Variants in CLTRN observed in about 807,000 individuals in gnomAD.
The protein encoded by CLTRN is collectrin.
Under a neutral mutation model 14.5 loss-of-function variants are expected in CLTRN, and 12 were observed. The ratio of observed to expected loss-of-function variants is 0.83; its 90% CI spans 0.53 to 1.34. The LOEUF (loss-of-function observed/expected upper bound fraction) is 1.34, where lower values mean the gene tolerates loss of function less well. CLTRN is among the 40% of genes most tolerant of loss of function. The probability of loss-of-function intolerance (pLI) is 0.00; values close to 1 mark genes in which losing one functional copy is unlikely to be tolerated. For missense variants in CLTRN, 154 were observed against 165.1 expected (o/e 0.93, Z 0.37); for synonymous variants, 58 against 56.5 (o/e 1.03, Z -0.12).
At chrX:15,664,152 T>C (rs1251174223) in intron 2 of CLTRN, among the ~76,000 whole-genome samples, 185 bp downstream of exon 2, 15 of 112,453 alleles carry the variant, frequency 1.3e-4, no homozygotes, top group Non-Finnish European at 2.8e-4. Flanking sequence ...TTAAATACTT[T>C]AGGCAAACCT....
intron 5 of CLTRN, among the ~76,000 whole-genome samples, chrX:15,633,668 G>T (rs181853069): frequency 1.6e-3 from 181 of 112,574 alleles, no homozygotes; most frequent in Admixed American, 2.4e-3. Flanking sequence ...AGCCACATCC[G>T]CTTGTGTGAA....
At chrX:15,675,556 G>A (rs1929827030), upstream of CLTRN, 1 of 112,436 alleles carries the variant, frequency 8.9e-6, no homozygotes, top group Non-Finnish European at 1.9e-5. Context: ...GAGATGTGTA[G>A]CCAGAGCGCA....
rs1166281947 is a variant in CLTRN at position 15,639,651 on chromosome X, G to T, written c.423C>A (p.Pro141=). Residue 141 remains proline (P), a synonymous_variant, in exon 5 of 6, where the codon CCC becomes CCA. Transcript: ENST00000380342. ...TCACACCAAATATAATAATCCAGAT[G>T]GGCACAGATGGGTCCATGGGTGGTG... The part of the protein sequence containing the change: ...TLAPPMDPSV[P]IWIIIFGVIF... 8.3e-7 allele frequency: 1 copy of T among 1,206,461 alleles called. No individual in the cohort carries two copies. The highest frequency in any genetic ancestry group is 1.8e-5 in the African/African-American group (1 of 57,052).
At chrX:15,670,647 C>A (rs1199377935) in intron 1 of CLTRN, among the ~76,000 whole-genome samples, 1 of 110,818 alleles carries the variant, frequency 9.0e-6, no homozygotes, top group Non-Finnish European at 1.9e-5. Context: ...CAGTGGTTTT[C>A]AATTGGGGGT....
chrX:15,631,990 T>C (rs1322729945), intron 5 of CLTRN, among the ~76,000 whole-genome samples: 1 of 112,392 alleles, frequency 8.9e-6, no homozygotes, highest in Non-Finnish European at 1.9e-5. Flanking sequence ...TTCTTTTTCC[T>C]GAAAACTAAA....
At chrX:15,634,881 T>C (rs1041575173) in intron 5 of CLTRN, among the ~76,000 whole-genome samples, 76 of 107,397 alleles carry the variant, frequency 7.1e-4, no homozygotes, top group African/African-American at 2.5e-3. Flanking sequence ...CATGTATACA[T>C]ATGTAACTAA....
chrX:15,636,090 A>G (rs1928812596), intron 5 of CLTRN, among the ~76,000 whole-genome samples: 1 of 112,296 alleles, frequency 8.9e-6, no homozygotes, highest in South Asian at 3.7e-4. Flanking sequence ...ACCCTGGTAC[A>G]CTACTGCAGG....
At chrX:15,674,650 C>T (rs1422704278) in intron 1 of CLTRN, among the ~76,000 whole-genome samples, 53 of 112,864 alleles carry the variant, frequency 4.7e-4, no homozygotes, top group Non-Finnish European at 9.4e-5. Context: ...GCTCATTTCA[C>T]TCTATAAATG....
At chrX:15,665,588 G>T (rs1338935541), upstream of CLTRN, among the ~76,000 whole-genome samples, 1 of 112,287 alleles carries the variant, frequency 8.9e-6, no homozygotes, top group Non-Finnish European at 1.9e-5. Flanking sequence ...GGAATGTTCT[G>T]TGTCTGTACT....
chrX:15,673,477 T>G (rs1451795925), intron 1 of CLTRN, among the ~76,000 whole-genome samples: 1 of 112,646 alleles, frequency 8.9e-6, no homozygotes, highest in Admixed American at 9.4e-5. Flanking sequence ...GCTATAAAAA[T>G]CAATGCAGTA....
rs1355608242 is a variant in CLTRN, at chrX:15,639,656, C to G, written c.418G>C (p.Val140Leu). The change falls in exon 5 of 6, where the codon GTG becomes CTG. Residue 140 changes from valine (V) to leucine (L), a missense_variant. Coordinates refer to ENST00000380342, the MANE Select transcript of CLTRN (RefSeq NM_020665.6). Reference sequence around the variant, plus strand: ...CCAAATATAATAATCCAGATGGGCACAGATGGGTCCATGGGTGGTGCAAGT... The same window carrying G: ...CCAAATATAATAATCCAGATGGGCAGAGATGGGTCCATGGGTGGTGCAAGT... ...STLAPPMDPS[V>L]PIWIIIFGVI... 3.3e-6 allele frequency: 4 copies of G among 1,208,360 alleles called. No individual in the cohort carries two copies. Among genetic ancestry groups the G allele is most frequent in the Non-Finnish European group, 3.4e-6 (3 of 893,993 alleles).
chrX:15,659,327 A>T (rs1321489941), intron 2 of CLTRN, among the ~76,000 whole-genome samples: 2 of 111,109 alleles, frequency 1.8e-5, no homozygotes, highest in Non-Finnish European at 3.8e-5. Context: ...CTCCTGTTGC[A>T]CTATCTTCCT....
At position 15,637,980 on chromosome X, in the gene CLTRN, A is replaced by G. The variant is rs994398408; in HGVS notation, c.512+1582T>C. 2.7e-5 allele frequency among the ~76,000 whole-genome samples: 3 copies of G among 112,053 alleles called. No homozygotes were observed. The Admixed American group carries it at 2.8e-4, about 11-fold the overall frequency. The stretch of plus-strand genomic sequence containing the variant: ...TATATACAAGGGCAGAATCTAAGAG[A>G]TAAATATGTTGAGTCTAAGCAATCT... On this transcript the variant is annotated intron_variant, in intron 5 of 5. Transcript: ENST00000380342.
At chrX:15,637,004 T>C (rs1928834053) in intron 5 of CLTRN, among the ~76,000 whole-genome samples, 1 of 111,305 alleles carries the variant, frequency 9.0e-6, no homozygotes, top group Non-Finnish European at 1.9e-5. Flanking sequence ...TATAATGGTG[T>C]TATTGGCAAA....
At chrX:15,642,977 G>T (rs1249230012) in intron 4 of CLTRN, among the ~76,000 whole-genome samples, 1 of 110,250 alleles carries the variant, frequency 9.1e-6, no homozygotes, top group Non-Finnish European at 1.9e-5. Flanking sequence ...CATCCCTGTA[G>T]TCCCAGCTAC....
chrX:15,632,122 T>C (rs1029089485), intron 5 of CLTRN, among the ~76,000 whole-genome samples: 1 of 111,669 alleles, frequency 9.0e-6, no homozygotes, highest in African/African-American at 3.3e-5. Context: ...ATCTCTCATA[T>C]ACCTCATAAA....
intron 5 of CLTRN, among the ~76,000 whole-genome samples, chrX:15,631,289 G>A (rs1322286816): frequency 8.9e-6 from 1 of 112,019 alleles, no homozygotes; most frequent in Admixed American, 9.5e-5. Context: ...ATTGTGGACA[G>A]CCAAATTTTA....
At chrX:15,674,749 A>G (rs768995010) in intron 1 of CLTRN, among the ~76,000 whole-genome samples, 12 of 112,974 alleles carry the variant, frequency 1.1e-4, no homozygotes, top group Non-Finnish European at 2.1e-4. Context: ...GGGATCAAGT[A>G]TCGCACCTAA....
intron 5 of CLTRN, among the ~76,000 whole-genome samples, chrX:15,632,883 C>CAAAA (rs758319942): frequency 1.6e-4 from 7 of 43,658 alleles, no homozygotes; most frequent in Admixed American, 6.4e-4. Flanking sequence ...GACTCTGTCT[C>CAAAA]AAAAAAAAAA....
Sources: gnomAD v4.1 joint callset for allele counts (sites outside exome capture counted in the v4.1 genomes callset) on GRCh38, gnomAD v4.1.1 for gene constraint, MANE v1.5 for transcripts, NCBI Gene and HGNC (gene_info 2026-07-23, HGNC 2026-07-21) for gene names.